Variants in TRPM3 observed in about 807,000 individuals in gnomAD.
The protein encoded by TRPM3 is transient receptor potential cation channel subfamily M member 3.
A neutral mutation model predicts 181.2 loss-of-function variants in TRPM3; 77 were observed. That is an observed-to-expected ratio of 0.42 (90% CI 0.35 to 0.51). The LOEUF (loss-of-function observed/expected upper bound fraction) is 0.51. Ranked by LOEUF, TRPM3 falls within the 20% of genes least tolerant of loss-of-function variation. The probability of loss-of-function intolerance (pLI) is 0.01; values close to 1 mark genes in which losing one functional copy is unlikely to be tolerated. For synonymous variants in TRPM3, 745 were observed against 796.4 expected (o/e 0.94, Z 1.09); for missense variants, 1,759 against 2,196.7 (o/e 0.80, Z 3.98).
chr9:71,314,342 C>G, intron 1 of TRPM3, among the ~76,000 whole-genome samples: 1 of 152,098 alleles, frequency 6.6e-6, no homozygotes, highest in East Asian at 1.9e-4. Flanking sequence ...CATAGTCCTG[C>G]CTTCCTTATT....
chr9:70,865,719 C>T (rs895990436), intron 1 of TRPM3, among the ~76,000 whole-genome samples: 4 of 151,948 alleles, frequency 2.6e-5, no homozygotes, highest in African/African-American at 7.2e-5. Context: ...CATGTGGCAC[C>T]GAAGGCAGTA....
At chr9:70,895,248 A>G (rs1194400720) in intron 1 of TRPM3, among the ~76,000 whole-genome samples, 1 of 152,138 alleles carries the variant, frequency 6.6e-6, no homozygotes, top group Non-Finnish European at 1.5e-5. Context: ...TTTTATTCTT[A>G]TGTTTAATGA....
intron 19 of TRPM3, among the ~76,000 whole-genome samples, chr9:70,607,766 A>ATTAT (rs369813645): frequency 6.6e-6 from 1 of 152,082 alleles, no homozygotes; most frequent in Non-Finnish European, 1.5e-5. Flanking sequence ...TATTGATACT[A>ATTAT]TTATTTCTAC....
chr9:71,156,504 C>A (rs141352162), intron 1 of TRPM3, among the ~76,000 whole-genome samples: 49 of 151,790 alleles, frequency 3.2e-4, no homozygotes, highest in Non-Finnish European at 4.6e-4. Flanking sequence ...ACAGCCTGGT[C>A]TTTTCATCTA....
chr9:71,259,473 T>A (rs1257280505), intron 1 of TRPM3, among the ~76,000 whole-genome samples: 1 of 152,202 alleles, frequency 6.6e-6, no homozygotes, highest in African/African-American at 2.4e-5. Flanking sequence ...CCACACTGTC[T>A]CCCACAATGG....
At chr9:71,250,728 AGG>A (rs1469936243) in intron 1 of TRPM3, among the ~76,000 whole-genome samples, 1 of 152,184 alleles carries the variant, frequency 6.6e-6, no homozygotes, top group East Asian at 1.9e-4. Context: ...TAAGAAGGGC[AGG>A]GGGCAGGAGC....
intron 4 of TRPM3, among the ~76,000 whole-genome samples, chr9:70,844,883 T>C (rs970601999): frequency 2.0e-5 from 3 of 152,202 alleles, no homozygotes; most frequent in African/African-American, 7.2e-5. Flanking sequence ...GTGACAGGAA[T>C]GCAATAGACA....
chr9:71,316,164 T>C (rs1457737505), intron 1 of TRPM3, among the ~76,000 whole-genome samples: 1 of 152,174 alleles, frequency 6.6e-6, no homozygotes, highest in African/African-American at 2.4e-5. Context: ...AGAGGATTGC[T>C]CTATGTGCAA....
chr9:71,404,128 C>T (rs2131399045), intron 1 of TRPM3, among the ~76,000 whole-genome samples: 1 of 152,244 alleles, frequency 6.6e-6, no homozygotes, highest in South Asian at 2.1e-4. Context: ...CTTTATAAAA[C>T]AAGGGCTGTA....
At chr9:70,582,369 A>G (rs2056087843) in intron 22 of TRPM3, among the ~76,000 whole-genome samples, 1 of 152,212 alleles carries the variant, frequency 6.6e-6, no homozygotes, top group African/African-American at 2.4e-5. Flanking sequence ...TGCTTGATTG[A>G]TTGTTTAAAG....
At chr9:71,044,710 C>T (rs2059219910) in intron 1 of TRPM3, among the ~76,000 whole-genome samples, 1 of 152,182 alleles carries the variant, frequency 6.6e-6, no homozygotes, top group Admixed American at 6.5e-5. Flanking sequence ...CTCACTCTGT[C>T]ACCCAGGCTG....
chr9:70,917,061 A>C (rs1388081163), intron 1 of TRPM3: 2 of 1,594,142 alleles, frequency 1.3e-6, no homozygotes, highest in Admixed American at 3.3e-5. Flanking sequence ...CAAGAAAAAT[A>C]GCACTGAGGA....
At chr9:71,195,113 C>T (rs961929925) in intron 1 of TRPM3, among the ~76,000 whole-genome samples, 6 of 151,982 alleles carry the variant, frequency 3.9e-5, no homozygotes, top group Admixed American at 1.3e-4. Flanking sequence ...AGTTTCATGA[C>T]GAAGACAGCA....
intron 1 of TRPM3, among the ~76,000 whole-genome samples, chr9:71,396,729 G>A (rs12341016): frequency 0.14 from 21,056 of 151,570 alleles, 1,564 homozygotes; most frequent in East Asian, 0.21. Context: ...TTGGGAGGCC[G>A]AGGTGGGCAG....
intron 22 of TRPM3, among the ~76,000 whole-genome samples, chr9:70,554,250 G>A (rs150888941): frequency 1.1e-3 from 170 of 152,288 alleles, no homozygotes; most frequent in Middle Eastern, 3.4e-3. Flanking sequence ...AGATGATGCC[G>A]TGAGGTGCCA....
intron 1 of TRPM3, among the ~76,000 whole-genome samples, chr9:71,203,127 T>C (rs950113310): frequency 2.0e-5 from 3 of 152,176 alleles, no homozygotes; most frequent in Non-Finnish European, 2.9e-5. Flanking sequence ...GGTTCTGCTT[T>C]TCTGGTTTAC....
intron 1 of TRPM3, among the ~76,000 whole-genome samples, chr9:71,104,378 A>AT (rs2069049187): frequency 6.6e-6 from 1 of 152,206 alleles, no homozygotes; most frequent in African/African-American, 2.4e-5. Context: ...ATTTGCTTTT[A>AT]TTTACAACTT....
chr9:71,372,195 A>G (rs928309774), intron 1 of TRPM3, among the ~76,000 whole-genome samples: 5 of 152,158 alleles, frequency 3.3e-5, no homozygotes, highest in East Asian at 3.9e-4. Context: ...TCCATTATAT[A>G]TATGTATTAA....
chr9:71,380,396 G>A (rs564511367), intron 1 of TRPM3, among the ~76,000 whole-genome samples: 1 of 152,140 alleles, frequency 6.6e-6, no homozygotes, highest in South Asian at 2.1e-4. Context: ...ACCAATTAGA[G>A]AATGAGGAAG....
Sources: allele counts gnomAD v4.1 joint callset (sites outside exome capture counted in the v4.1 genomes callset), GRCh38; gene constraint gnomAD v4.1.1; transcripts MANE v1.5; gene names NCBI Gene and HGNC (gene_info 2026-07-23, HGNC 2026-07-21).